CAST: variants seen among roughly 807,000 people sequenced by gnomAD.
CAST encodes MIR583 host.
Under a neutral mutation model 119.6 loss-of-function variants are expected in CAST, and 76 were observed. The ratio of observed to expected loss-of-function variants is 0.64; its 90% CI spans 0.53 to 0.77. The LOEUF (loss-of-function observed/expected upper bound fraction) is 0.77. Ranked by LOEUF, CAST falls within the 30% of genes least tolerant of loss-of-function variation. The probability of loss-of-function intolerance (pLI) is 0.00; values close to 1 mark genes in which losing one functional copy is unlikely to be tolerated. For synonymous variants in CAST, 319 were observed against 331.6 expected (o/e 0.96, Z 0.41); for missense variants, 953 against 946.5 (o/e 1.01, Z -0.09).
the CAST span, among the ~76,000 whole-genome samples, chr5:96,041,212 T>C: frequency 2.6e-5 from 4 of 152,116 alleles, no homozygotes; most frequent in Non-Finnish European, 5.9e-5. Context: ...TCAAGGCCAT[T>C]ATCAACAGTG....
At chr5:96,608,520 A>T (rs1050208558) in intron 1 of CAST, among the ~76,000 whole-genome samples, 1 of 151,872 alleles carries the variant, frequency 6.6e-6, no homozygotes, top group South Asian at 2.1e-4. Flanking sequence ...ATTAAAAAAA[A>T]GAACTTGACA....
chr5:96,174,207 T>C, the CAST span, among the ~76,000 whole-genome samples: 1 of 152,186 alleles, frequency 6.6e-6, no homozygotes, highest in African/African-American at 2.4e-5. Flanking sequence ...AGGAGCCTCT[T>C]TGGGCTGCCC....
At chr5:96,115,363 C>T in the CAST span, among the ~76,000 whole-genome samples, 1 of 152,336 alleles carries the variant, frequency 6.6e-6, no homozygotes, top group Middle Eastern at 3.4e-3. Context: ...TAGCACCACA[C>T]ACCTAATGAT....
chr5:96,660,073 T>C (rs1433209587), upstream of CAST, among the ~76,000 whole-genome samples: 1 of 152,268 alleles, frequency 6.6e-6, no homozygotes, highest in Non-Finnish European at 1.5e-5. Flanking sequence ...TAATATATCA[T>C]GTATTAGTGT....
the CAST span, among the ~76,000 whole-genome samples, chr5:96,203,254 T>C: frequency 1.3e-5 from 2 of 152,066 alleles, no homozygotes; most frequent in South Asian, 2.1e-4. Context: ...TCTTCTGTTA[T>C]TGGGCATTTA....
chr5:96,628,201 CTT>C (rs1162130586), intron 1 of CAST, among the ~76,000 whole-genome samples: 1 of 152,174 alleles, frequency 6.6e-6, no homozygotes, highest in Non-Finnish European at 1.5e-5. Flanking sequence ...AGTTTGATAA[CTT>C]ATTAAAAATG....
the CAST span, among the ~76,000 whole-genome samples, chr5:96,025,807 A>T: frequency 1.3e-5 from 2 of 152,230 alleles, no homozygotes; most frequent in African/African-American, 4.8e-5. Flanking sequence ...GTTAAGTAGC[A>T]TAGTGTCCCA....
chr5:96,534,739 G>GAGAGAGAA (rs1745757908), intron 1 of CAST, among the ~76,000 whole-genome samples: 5 of 22,720 alleles, frequency 2.2e-4, no homozygotes, highest in African/African-American at 5.5e-4. Flanking sequence ...GAGAGAGAGA[G>GAGAGAGAA]AGAAAGAAAG....
chr5:96,061,487 G>C, the CAST span, among the ~76,000 whole-genome samples: 1 of 152,136 alleles, frequency 6.6e-6, no homozygotes, highest in East Asian at 1.9e-4. Flanking sequence ...TTTATGGCCA[G>C]CTAACAGAGA....
At chr5:96,432,285 C>T in the CAST span, 1 of 654,076 alleles carries the variant, frequency 1.5e-6, no homozygotes, top group South Asian at 1.9e-5. Flanking sequence ...TCCCAGGCTA[C>T]TCCGCGGCCT....
chr5:96,017,180 C>T, the CAST span, among the ~76,000 whole-genome samples: 1 of 152,084 alleles, frequency 6.6e-6, no homozygotes, highest in Non-Finnish European at 1.5e-5. Context: ...ACGGCTGGAC[C>T]TCTGACAAAT....
the CAST span, among the ~76,000 whole-genome samples, chr5:96,151,924 C>G: frequency 6.6e-6 from 1 of 152,114 alleles, no homozygotes; most frequent in East Asian, 1.9e-4. Context: ...CCCAGTAACC[C>G]CAGAGAACAT....
the CAST span, among the ~76,000 whole-genome samples, chr5:96,016,567 T>C: frequency 2.9e-4 from 44 of 152,366 alleles, no homozygotes; most frequent in Middle Eastern, 3.4e-3. Context: ...TTGTCATACC[T>C]GCACACGGCA....
At chr5:96,077,094 T>A in the CAST span, among the ~76,000 whole-genome samples, 1 of 151,972 alleles carries the variant, frequency 6.6e-6, no homozygotes, top group Non-Finnish European at 1.5e-5. Flanking sequence ...ATAGTATCTA[T>A]CCTAATTTGC....
At chr5:96,679,348 T>C (rs1751071447) in intron 2 of CAST, 1 of 152,166 alleles carries the variant, frequency 6.6e-6, no homozygotes, top group Non-Finnish European at 1.5e-5. Flanking sequence ...AAAAGTTGCA[T>C]GGACTAACAA....
the CAST span, among the ~76,000 whole-genome samples, chr5:96,019,114 C>A: frequency 7.2e-5 from 11 of 152,112 alleles, no homozygotes; most frequent in Non-Finnish European, 1.5e-4. Context: ...GGAAGGAGAG[C>A]AGATTTTCCC....
chr5:95,982,238 C>T, the CAST span, among the ~76,000 whole-genome samples: 1 of 152,062 alleles, frequency 6.6e-6, no homozygotes, highest in Admixed American at 6.5e-5. Context: ...TATCACTCCC[C>T]TCTGGGATCC....
At chr5:96,377,972 C>G in the CAST span, among the ~76,000 whole-genome samples, 1 of 152,114 alleles carries the variant, frequency 6.6e-6, no homozygotes, top group African/African-American at 2.4e-5. Context: ...ATGGAATGTT[C>G]TTTAGCCTTA....
chr5:95,984,117 G>T, the CAST span, among the ~76,000 whole-genome samples: 1 of 152,106 alleles, frequency 6.6e-6, no homozygotes, highest in South Asian at 2.1e-4. Context: ...TCAACACTAA[G>T]TACAGCTCCT....
Sources: gnomAD v4.1 joint callset for allele counts (sites outside exome capture counted in the v4.1 genomes callset) on GRCh38, gnomAD v4.1.1 for gene constraint, MANE v1.5 for transcripts, NCBI Gene and HGNC (gene_info 2026-07-23, HGNC 2026-07-21) for gene names.